The following THSD7B variants were observed in gnomAD, a reference collection of about 807,000 sequenced individuals.
THSD7B encodes the protein thrombospondin type-1 domain-containing protein 7B.
Under a neutral mutation model 213.6 loss-of-function variants are expected in THSD7B, and 138 were observed. That is an observed-to-expected ratio of 0.65 (90% confidence interval 0.56 to 0.74). THSD7B has a LOEUF of 0.74. Ranked by LOEUF, THSD7B falls within the 30% of genes least tolerant of loss-of-function variation. The pLI, the probability that THSD7B is intolerant of heterozygous loss-of-function variation, is 0.00. For synonymous variants in THSD7B, 742 were observed against 687.0 expected, an observed-to-expected ratio of 1.08 and a Z score of -1.25; for missense variants, 1,931 against 1,991.5, an observed-to-expected ratio of 0.97 and a Z score of 0.58.
At chr2:136,801,836 C>G (rs914661945) in intron 1 of THSD7B, among the ~76,000 whole-genome samples, 3 of 152,052 alleles carry the variant, frequency 2.0e-5, no homozygotes, top group Non-Finnish European at 4.4e-5. Flanking sequence ...ATCTGGAGTG[C>G]TAGAACTAAG....
At chr2:137,056,056 C>T (rs759536630) in intron 2 of THSD7B, among the ~76,000 whole-genome samples, 9 of 152,256 alleles carry the variant, frequency 5.9e-5, no homozygotes, top group South Asian at 2.1e-4. Flanking sequence ...GGCTTTGGAA[C>T]GTAGTAGTTA....
chr2:137,144,444 C>G (rs140168572), intron 5 of THSD7B, among the ~76,000 whole-genome samples: 31 of 152,140 alleles, frequency 2.0e-4, no homozygotes, highest in African/African-American at 7.2e-4. Context: ...TTGTCAGTAT[C>G]AGAGAGGCTC....
At chr2:137,522,491 G>T (rs1040714879) in intron 15 of THSD7B, among the ~76,000 whole-genome samples, 5 of 151,902 alleles carry the variant, frequency 3.3e-5, no homozygotes, top group Non-Finnish European at 7.4e-5. Flanking sequence ...TTTCTTGAAT[G>T]AATTGCTGGT....
intron 12 of THSD7B, among the ~76,000 whole-genome samples, chr2:137,307,672 T>A (rs78652839): frequency 0.056 from 8,527 of 152,208 alleles, 335 homozygotes; most frequent in East Asian, 0.1. Context: ...TTATGAAAGA[T>A]GAAAAACAAT....
intron 12 of THSD7B, among the ~76,000 whole-genome samples, chr2:137,382,132 T>A (rs1685791908): frequency 6.6e-6 from 1 of 152,196 alleles, no homozygotes; most frequent in Non-Finnish European, 1.5e-5. Context: ...AATGCATTTT[T>A]TTTTTCTAGA....
rs35469469 is a variant in THSD7B at position 137,645,672 on chromosome 2, T to TA, written c.3945+3053dup. Among the ~76,000 whole-genome samples, 163 of 145,056 alleles carry TA rather than the reference T, an allele frequency of 1.1e-3. 1 individual carries two copies. Among genetic ancestry groups the TA allele is most frequent in the East Asian group, 4.4e-3 (21 of 4,766 alleles). On this transcript the variant is annotated intron_variant, in intron 21 of 27. Coordinates refer to ENST00000409968, the MANE Select transcript of THSD7B (RefSeq NM_001316349.2). ...TCTTCACACTCTGTCTCATGGTGTG[T>TA]AAAAAAAAAAAAAACCACTTTAATA...
intron 15 of THSD7B, among the ~76,000 whole-genome samples, chr2:137,472,603 G>A (rs994893492): frequency 4.6e-5 from 7 of 152,028 alleles, no homozygotes; most frequent in Non-Finnish European, 8.8e-5. Context: ...CTTTTACAAC[G>A]GGTTGTTTTA....
chr2:137,463,713 A>G (rs1009755132), intron 15 of THSD7B, among the ~76,000 whole-genome samples: 1 of 152,098 alleles, frequency 6.6e-6, no homozygotes, highest in Non-Finnish European at 1.5e-5. Context: ...AGCCAGTATC[A>G]TCCATATTTA....
At chr2:136,961,005 C>T (rs1363342877) in intron 2 of THSD7B, among the ~76,000 whole-genome samples, 14 of 131,034 alleles carry the variant, frequency 1.1e-4, no homozygotes, top group Non-Finnish European at 2.2e-4. Context: ...AGAAGAATGG[C>T]GTGAACCCGG....
chr2:137,347,117 T>A (rs1042120348), intron 12 of THSD7B, among the ~76,000 whole-genome samples: 1 of 151,670 alleles, frequency 6.6e-6, no homozygotes, highest in Non-Finnish European at 1.5e-5. Context: ...CATACTTACA[T>A]CTGTCCTTTT....
At chr2:137,508,376 A>T (rs76862007) in intron 15 of THSD7B, among the ~76,000 whole-genome samples, 3 of 107,950 alleles carry the variant, frequency 2.8e-5, no homozygotes, top group Admixed American at 1.1e-4. Flanking sequence ...AAATAAAACA[A>T]TTTTTTTTTT....
intron 2 of THSD7B, among the ~76,000 whole-genome samples, chr2:136,939,231 G>A (rs772258392): frequency 4.6e-5 from 7 of 152,104 alleles, no homozygotes; most frequent in Non-Finnish European, 7.3e-5. Flanking sequence ...CAATCATCAT[G>A]TGAATTTCTT....
chr2:137,008,092 A>C (rs550807027), intron 2 of THSD7B, among the ~76,000 whole-genome samples: 228 of 152,164 alleles, frequency 1.5e-3, no homozygotes, highest in Middle Eastern at 3.4e-3. Context: ...AAGACATGAA[A>C]AAGTGTTGTA....
intron 2 of THSD7B, among the ~76,000 whole-genome samples, chr2:137,035,538 G>C (rs1015592772): frequency 6.6e-6 from 1 of 151,886 alleles, no homozygotes; most frequent in African/African-American, 2.4e-5. Context: ...GGAGTGGAAA[G>C]GGATAGTGTT....
At chr2:137,404,425 T>C (rs1686446425) in intron 12 of THSD7B, among the ~76,000 whole-genome samples, 1 of 86,714 alleles carries the variant, frequency 1.2e-5, no homozygotes, top group Admixed American at 1.7e-4. Context: ...ATAAAGAAAC[T>C]CTGAGATATA....
chr2:137,334,273 A>C lies in THSD7B; in HGVS notation c.2500+58247A>C, dbSNP rs760039428. Among the ~76,000 whole-genome samples, 6 of 151,956 alleles carry C rather than the reference A, an allele frequency of 3.9e-5. No homozygotes were observed. The East Asian group carries it at 1.2e-3, about 29-fold the overall frequency. On this transcript the variant is annotated intron_variant, in intron 12 of 27. Transcript: ENST00000409968. ...CATAAATGGAGGAAAGAAGGAGAGA[A>C]GTACATTTGGCAAATTGTGTTCCAC...
At chr2:136,936,695 TAAA>T (rs1023294604) in intron 2 of THSD7B, among the ~76,000 whole-genome samples, 48 of 152,192 alleles carry the variant, frequency 3.2e-4, no homozygotes, top group African/African-American at 1.1e-3. Context: ...GGGTGAGGGA[TAAA>T]GACTACAAGT....
rs1688482018 is a variant in THSD7B at position 137,487,391 on chromosome 2, A to AC, written c.3138+36368_3138+36369insC. 1.6e-4 allele frequency among the ~76,000 whole-genome samples: 22 copies of AC among 141,252 alleles called. No individual in the cohort carries two copies. The South Asian group carries it at 1.9e-3, about 12-fold the overall frequency. 92.7% of individuals were successfully genotyped at this position (141,252 alleles called of 152,430 possible). A position where few individuals can be genotyped will look rare whatever the true frequency, so the allele number is the denominator to read the frequency against. ...CTCCGTCTCAAAAAAAAAAAAAAAA[A>AC]AAAAAAAAGAACTAGAAAAGCAAGA... On this transcript the variant is annotated intron_variant, in intron 15 of 27. Transcript: ENST00000409968.
At chr2:137,671,649 C>A (rs1395595704) in intron 27 of THSD7B, among the ~76,000 whole-genome samples, 1 of 152,164 alleles carries the variant, frequency 6.6e-6, no homozygotes, top group Non-Finnish European at 1.5e-5. Context: ...ATCATGAGAA[C>A]ACCATGGGGG....
Sources: gnomAD v4.1 joint callset for allele counts (sites outside exome capture counted in the v4.1 genomes callset) on GRCh38, gnomAD v4.1.1 for gene constraint, MANE v1.5 for transcripts, NCBI Gene and HGNC (gene_info 2026-07-23, HGNC 2026-07-21) for gene names.